Variants in SREBF2 observed in about 807,000 individuals in gnomAD.
SREBF2 encodes sterol regulatory element binding transcription factor 2.
Under a neutral mutation model 113.1 loss-of-function variants are expected in SREBF2, and 55 were observed. That is an observed-to-expected ratio of 0.49 (90% confidence interval 0.39 to 0.61). The LOEUF (loss-of-function observed/expected upper bound fraction) is 0.61. Ranked by LOEUF, SREBF2 falls within the 20% of genes least tolerant of loss-of-function variation. The pLI, the probability that SREBF2 is intolerant of heterozygous loss-of-function variation, is 0.00. For synonymous variants in SREBF2, 593 were observed against 605.7 expected, an observed-to-expected ratio of 0.98 and a Z score of 0.31; for missense variants, 1,349 against 1,487.4, an observed-to-expected ratio of 0.91 and a Z score of 1.53.
intron 1 of SREBF2, among the ~76,000 whole-genome samples, chr22:41,851,981 C>T (rs991066339): frequency 6.6e-6 from 1 of 151,970 alleles, no homozygotes; most frequent in African/African-American, 2.4e-5. Context: ...ATTAGCCGGG[C>T]ATGGTAGCGG....
At chr22:41,848,455 A>C (rs772709057) in intron 1 of SREBF2, among the ~76,000 whole-genome samples, 3 of 152,198 alleles carry the variant, frequency 2.0e-5, no homozygotes, top group Non-Finnish European at 4.4e-5. Flanking sequence ...CAGCCTTTCA[A>C]ACATGGGATG....
intron 11 of SREBF2, among the ~76,000 whole-genome samples, chr22:41,892,493 C>A (rs2077372978): frequency 6.6e-6 from 1 of 151,778 alleles, no homozygotes; most frequent in South Asian, 2.1e-4. Flanking sequence ...ACTAAAAATA[C>A]AAAAATTAGC....
chr22:41,842,660 T>C (rs1013423839), intron 1 of SREBF2, among the ~76,000 whole-genome samples: 14 of 152,130 alleles, frequency 9.2e-5, no homozygotes, highest in Admixed American at 8.5e-4. Flanking sequence ...GGTGGTGCTG[T>C]CTCCGACATA....
At position 41,833,190 on chromosome 22, in the gene SREBF2, T is replaced by A. The variant is rs1035415606; in HGVS notation, c.-81T>A. On this transcript the variant is annotated 5_prime_UTR_variant, in exon 1 of 19. Coordinates refer to ENST00000361204, the MANE Select transcript of SREBF2 (RefSeq NM_004599.4). The surrounding 1 kb of genome is among the most constrained non-coding windows in gnomAD (Gnocchi z 4.1). ...GCGGTGCCGGGCGGGGGTTGTCGGG[T>A]GTCATGGGCGGTGGCGACGGCACCG... The A allele has an allele frequency of 9.0e-7, 1 of 1,115,892 alleles. No homozygotes were observed. 69.1% of individuals were successfully genotyped at this position (1,115,892 alleles called of 1,614,324 possible).
chr22:41,870,548 C>G (rs2077129715), intron 3 of SREBF2, among the ~76,000 whole-genome samples: 1 of 150,618 alleles, frequency 6.6e-6, no homozygotes, highest in African/African-American at 2.4e-5. Context: ...ATCACTTGAG[C>G]CCGGGAGGTC....
intron 1 of SREBF2, among the ~76,000 whole-genome samples, chr22:41,845,279 G>A (rs2076867319): frequency 6.6e-6 from 1 of 152,114 alleles, no homozygotes; most frequent in Admixed American, 6.5e-5. Flanking sequence ...AAGGCACTGA[G>A]ACAGAGAAAT....
At chr22:41,887,967 A>G (rs1342576081) in intron 11 of SREBF2, among the ~76,000 whole-genome samples, 1 of 152,176 alleles carries the variant, frequency 6.6e-6, no homozygotes, top group Non-Finnish European at 1.5e-5. Context: ...CATTCAATTC[A>G]AGTCTTACCT....
chr22:41,866,886 A>G lies in SREBF2; in HGVS notation c.144A>G (p.Glu48=). ...GAGAGTTCCCTGACTTGTTTTCAGAACAGCTGTGTAGCTCCTTTCCTGGCA... is the reference window on the plus strand; with the variant it reads ...GAGAGTTCCCTGACTTGTTTTCAGAGCAGCTGTGTAGCTCCTTTCCTGGCA... ...QVGEFPDLFS[E]QLCSSFPGSG... The change falls in exon 2 of 19, where the codon GAA becomes GAG. Residue 48 remains glutamate (E), a synonymous_variant. Transcript: ENST00000361204. The G allele has an allele frequency of 6.2e-7, 1 of 1,614,184 alleles. No individual in the cohort carries two copies. The highest frequency in any genetic ancestry group is 1.3e-5 in the African/African-American group (1 of 75,034).
At chr22:41,852,285 C>T (rs80094991) in intron 1 of SREBF2, among the ~76,000 whole-genome samples, 3,949 of 152,044 alleles carry the variant, frequency 0.026, 95 homozygotes, top group South Asian at 0.051. Flanking sequence ...GATATATATC[C>T]ATCAGTTTGG....
chr22:41,844,256 C>G (rs929244610), intron 1 of SREBF2, among the ~76,000 whole-genome samples: 4 of 152,088 alleles, frequency 2.6e-5, no homozygotes, highest in Non-Finnish European at 5.9e-5. Flanking sequence ...AGGAAGAGGA[C>G]AGGACCTAAC....
Position 41,833,244 on chromosome 22 carries a change from G to GA in SREBF2, c.-27_-26insA. The GA allele has an allele frequency of 2.7e-6, 4 of 1,505,864 alleles. No homozygotes were observed. The highest frequency in any genetic ancestry group is 3.6e-6 in the Non-Finnish European group (4 of 1,125,654). The allele number at this position is 1,505,864 out of a possible 1,614,324, so 93.3% of individuals were successfully genotyped here. A position where few individuals can be genotyped will look rare whatever the true frequency, so the allele number is the denominator to read the frequency against. On this transcript the variant is annotated 5_prime_UTR_variant, in exon 1 of 19. Transcript: ENST00000361204. This position sits in a 1 kb window ranked among gnomAD's most constrained non-coding sequence, Gnocchi z 4.1. ...CCGCGTCTCCCTGAGCGGGACGGCA[G>GA]GGGGGGCTTCTGCGCTGAGCCGGGC...
rs745976219 is a variant in SREBF2, at chr22:41,893,253, A to G, written c.2345A>G (p.Lys782Arg). 3 of 1,614,192 alleles carry G rather than the reference A, an allele frequency of 1.9e-6. No individual in the cohort carries two copies. The highest frequency in any genetic ancestry group is 2.5e-6 in the Non-Finnish European group (3 of 1,180,026). ...ERSWSVKSAA[K>R]ESLYCAQRNP... is the part of the protein sequence containing the mutation. ...AGCTGGTCTGTGAAGTCAGCTGCCA[A>G]GGAGAGTCTATACTGTGCCCAGAGG... The change falls in exon 12 of 19, where the codon AAG becomes AGG. Residue 782 changes from lysine to arginine, a missense_variant. Lys to Arg is a conservative substitution (Grantham distance 26, BLOSUM62 2). Transcript: ENST00000361204.
In SREBF2 at chr22:41,903,289, GC is replaced by G. The variant is rs1032493520; in HGVS notation, c.3093+135del. On this transcript the variant is annotated intron_variant, in intron 17 of 18. Transcript: ENST00000361204. ...CAGCCTGGTGACCTGTCGAGCACCT[GC>G]TTGGCTCGTGCCCAACACTGGGCTA... 17 of 1,105,084 alleles carry G rather than the reference GC, an allele frequency of 1.5e-5. No homozygotes were observed. The Admixed American group carries it at 3.4e-4, about 22-fold the overall frequency. 68.5% of individuals were successfully genotyped at this position (1,105,084 alleles called of 1,614,324 possible).
intron 1 of SREBF2, among the ~76,000 whole-genome samples, chr22:41,842,143 A>T (rs1013128960): frequency 2.6e-5 from 4 of 152,186 alleles, no homozygotes; most frequent in African/African-American, 9.7e-5. Flanking sequence ...TTTTTAAAAG[A>T]TAGTACATTC....
chr22:41,875,475 G>A lies in SREBF2; in HGVS notation c.1204+24G>A, dbSNP rs377462817. The A allele has an allele frequency of 6.2e-6, 10 of 1,614,082 alleles. No individual in the cohort carries two copies. In the Admixed American group the frequency reaches 1.2e-4, roughly 19 times the overall value. ...CAGTAAGTGTGCTGAGAAAAGGCTTGTCAGCCCTGGCCCAGGTGGGGCTTT... is the reference window on the plus strand; with the variant it reads ...CAGTAAGTGTGCTGAGAAAAGGCTTATCAGCCCTGGCCCAGGTGGGGCTTT... On this transcript the variant is annotated intron_variant, in intron 6 of 18. Coordinates refer to ENST00000361204, the MANE Select transcript of SREBF2 (RefSeq NM_004599.4).
chr22:41,884,821 G>A (rs769360641), intron 10 of SREBF2, 21 bp from the exon 11 acceptor site: 1 of 1,614,080 alleles, frequency 6.2e-7, no homozygotes, highest in Non-Finnish European at 8.5e-7. Flanking sequence ...CAACAATAGT[G>A]TCTGTTTCTG....
At chr22:41,855,636 A>C (rs565687895) in intron 1 of SREBF2, among the ~76,000 whole-genome samples, 2 of 152,338 alleles carry the variant, frequency 1.3e-5, no homozygotes, top group East Asian at 3.8e-4. Flanking sequence ...GCAGGCTAAC[A>C]TCTAACTTTA....
At chr22:41,870,799 T>G in intron 3 of SREBF2, 90 bp from the exon 4 acceptor site, 2 of 1,503,778 alleles carry the variant, frequency 1.3e-6, no homozygotes. Flanking sequence ...CATTTCTCAT[T>G]CTTTCTTGGA....
At chr22:41,893,728 T>C (rs1366824392) in intron 12 of SREBF2, among the ~76,000 whole-genome samples, 1 of 152,110 alleles carries the variant, frequency 6.6e-6, no homozygotes, top group East Asian at 1.9e-4. Context: ...CAGGCAGTCA[T>C]CAACTGCTCA....
Sources: gnomAD v4.1 joint callset for allele counts (sites outside exome capture counted in the v4.1 genomes callset) on GRCh38, gnomAD v4.1.1 for gene constraint, Gnocchi (gnomAD v3.1) non-coding constraint, MANE v1.5 for transcripts, NCBI Gene and HGNC (gene_info 2026-07-23, HGNC 2026-07-21) for gene names.